SCFD1: variants seen among roughly 807,000 people sequenced by gnomAD.
SCFD1 encodes sec1 family domain-containing protein 1.
SCFD1 carries 37 observed loss-of-function variants against 103.2 expected under a neutral mutation model. That is an observed-to-expected ratio of 0.36 (90% CI 0.28 to 0.47). SCFD1 has a LOEUF of 0.47. SCFD1 is among the 20% of genes least tolerant of loss of function. SCFD1 has a pLI of 1.00. For missense variants in SCFD1, 639 were observed against 761.2 expected, an observed-to-expected ratio of 0.84 and a Z score of 1.89; for synonymous variants, 264 against 245.0, an observed-to-expected ratio of 1.08 and a Z score of -0.73.
At chr14:30,683,796 A>C (rs2139267715) in intron 14 of SCFD1, among the ~76,000 whole-genome samples, 1 of 152,354 alleles carries the variant, frequency 6.6e-6, no homozygotes, top group East Asian at 1.9e-4. Flanking sequence ...AAGTAGGGAG[A>C]AAGGAATATT....
intron 19 of SCFD1, among the ~76,000 whole-genome samples, chr14:30,714,043 C>G (rs544735756): frequency 6.6e-6 from 1 of 152,152 alleles, no homozygotes; most frequent in African/African-American, 2.4e-5. Context: ...TTATTTGAAA[C>G]AAAACTTAAA....
At chr14:30,655,664 G>T (rs544500314) in intron 10 of SCFD1, among the ~76,000 whole-genome samples, 3 of 152,320 alleles carry the variant, frequency 2.0e-5, no homozygotes, top group Non-Finnish European at 4.4e-5. Context: ...TGACTGTAGA[G>T]TATAGGATTT....
chr14:30,670,496 C>T (rs1888433790), intron 11 of SCFD1, 101 bp downstream of exon 11: 2 of 773,558 alleles, frequency 2.6e-6, no homozygotes, highest in Non-Finnish European at 4.0e-6. Flanking sequence ...CATGTAGGTT[C>T]GTTCACCCAA....
At chr14:30,660,034 T>A (rs1459145119) in intron 10 of SCFD1, among the ~76,000 whole-genome samples, 2 of 152,186 alleles carry the variant, frequency 1.3e-5, no homozygotes, top group Non-Finnish European at 2.9e-5. Context: ...GCAACAAAAT[T>A]AATGATAATT....
At chr14:30,651,089 A>G (rs1450626812) in intron 9 of SCFD1, among the ~76,000 whole-genome samples, 5 of 152,122 alleles carry the variant, frequency 3.3e-5, no homozygotes, top group Admixed American at 6.6e-5. Context: ...AGTAAGGCCA[A>G]TGTTTTTGGC....
rs554676104 is a variant in SCFD1 at position 30,657,531 on chromosome 14, T to C, written c.855+3943T>C. On this transcript the variant is annotated intron_variant, in intron 10 of 24. Coordinates refer to ENST00000458591, the MANE Select transcript of SCFD1 (RefSeq NM_016106.4). ...GGTGAAAGTAGATGGTAGAGTTTTTTTGTTTAATCTTCACATAAAAAGTTG... is the reference window on the plus strand; with the variant it reads ...GGTGAAAGTAGATGGTAGAGTTTTTCTGTTTAATCTTCACATAAAAAGTTG... 1.4e-4 allele frequency among the ~76,000 whole-genome samples: 22 copies of C among 152,352 alleles called. No individual in the cohort carries two copies. In the East Asian group the frequency reaches 3.3e-3, roughly 23 times the overall value.
chr14:30,630,344 A>AT, intron 2 of SCFD1, 133 bp from the exon 3 acceptor site: 2 of 662,422 alleles, frequency 3.0e-6, no homozygotes, highest in Non-Finnish European at 5.4e-6. Context: ...ATGATGGAAA[A>AT]TGTTAAATTG....
At chr14:30,709,768 T>C (rs1269209343) in intron 19 of SCFD1, among the ~76,000 whole-genome samples, 1 of 152,196 alleles carries the variant, frequency 6.6e-6, no homozygotes, top group African/African-American at 2.4e-5. Flanking sequence ...TATCGTCAAC[T>C]GTGGACAAAA....
At chr14:30,661,858 T>C (rs1887483124) in intron 10 of SCFD1, among the ~76,000 whole-genome samples, 7 of 152,186 alleles carry the variant, frequency 4.6e-5, no homozygotes. Context: ...ATGCTTTAAT[T>C]TTCCCTAAAT....
At chr14:30,667,815 G>A (rs112045585) in intron 10 of SCFD1, among the ~76,000 whole-genome samples, 1 of 152,130 alleles carries the variant, frequency 6.6e-6, no homozygotes, top group Non-Finnish European at 1.5e-5. Context: ...GCTACAAAGA[G>A]AATAAAATAC....
chr14:30,721,594 T>C (rs1027448094), intron 21 of SCFD1: 2 of 344,562 alleles, frequency 5.8e-6, no homozygotes, highest in African/African-American at 4.3e-5. Context: ...AGACTTACGC[T>C]CCTCCTCGTG....
At chr14:30,633,415 G>A (rs1228499637) in intron 3 of SCFD1, among the ~76,000 whole-genome samples, 1 of 152,122 alleles carries the variant, frequency 6.6e-6, no homozygotes, top group Admixed American at 6.5e-5. Context: ...GACAAAAATA[G>A]ATTGTCTTTA....
intron 14 of SCFD1, 47 bp from the exon 15 acceptor site, chr14:30,694,726 A>G: frequency 1.3e-6 from 2 of 1,535,810 alleles, no homozygotes; most frequent in Non-Finnish European, 1.7e-6. Context: ...ATCATTATGT[A>G]TTTTAATGAC....
At chr14:30,734,906 CTATTGG>C (rs745897307) in intron 24 of SCFD1, 48 bp downstream of exon 24, 2 of 1,416,020 alleles carry the variant, frequency 1.4e-6, no homozygotes, top group Non-Finnish European at 2.0e-6. Flanking sequence ...CCCCTAGTTG[CTATTGG>C]TATTTTTCAA....
chr14:30,733,915 TCTC>T (rs1191170701), intron 23 of SCFD1, among the ~76,000 whole-genome samples: 1 of 152,144 alleles, frequency 6.6e-6, no homozygotes, highest in Non-Finnish European at 1.5e-5. Flanking sequence ...GTGCCTGCTT[TCTC>T]CTTGCATACT....
At chr14:30,668,421 T>C (rs1888218805) in intron 10 of SCFD1, among the ~76,000 whole-genome samples, 2 of 152,230 alleles carry the variant, frequency 1.3e-5, no homozygotes, top group Non-Finnish European at 1.5e-5. Context: ...AAGACTTAAA[T>C]GTTAGACCTA....
intron 7 of SCFD1, among the ~76,000 whole-genome samples, chr14:30,648,315 A>G (rs1886052028): frequency 6.6e-6 from 1 of 152,200 alleles, no homozygotes. Flanking sequence ...GAGTATATTC[A>G]TATTTCCTAT....
At chr14:30,684,803 C>CTTT (rs780577178) in intron 14 of SCFD1, among the ~76,000 whole-genome samples, 6,802 of 54,710 alleles carry the variant, frequency 0.12, 766 homozygotes, top group African/African-American at 0.21. Flanking sequence ...GCAATTGTTT[C>CTTT]TTTTTTTTTT....
intron 21 of SCFD1, among the ~76,000 whole-genome samples, chr14:30,720,726 T>C (rs1433380976): frequency 1.3e-5 from 2 of 152,148 alleles, no homozygotes; most frequent in Non-Finnish European, 2.9e-5. Flanking sequence ...TAGAGATTAT[T>C]TAAAGTATAT....
Sources: allele counts gnomAD v4.1 joint callset (sites outside exome capture counted in the v4.1 genomes callset), GRCh38; gene constraint gnomAD v4.1.1; transcripts MANE v1.5; gene names NCBI Gene and HGNC (gene_info 2026-07-23, HGNC 2026-07-21).